The following ZFP1 variants were observed in gnomAD, a reference collection of about 807,000 sequenced individuals.
ZFP1 encodes zinc finger protein 1 homolog.
In ZFP1, 32 loss-of-function variants were observed where a neutral mutation model predicts 38.5. The ratio of observed to expected loss-of-function variants is 0.83; its 90% CI spans 0.63 to 1.12. ZFP1 has a LOEUF of 1.12. Among genes scored for constraint, ZFP1 ranks in the 50% most tolerant of loss-of-function variants. ZFP1 has a pLI of 0.00. For synonymous variants in ZFP1, 245 were observed against 168.8 expected (o/e 1.45, Z -3.50); for missense variants, 616 against 480.8 (o/e 1.28, Z -2.63).
rs879002085 is a variant in ZFP1 at position 75,171,986 on chromosome 16, A to G, written c.*1652A>G. 2.0e-5 allele frequency: 3 copies of G among 152,354 alleles called. No individual in the cohort carries two copies. Among genetic ancestry groups the G allele is most frequent in the South Asian group, 2.1e-4 (1 of 4,830 alleles). The allele number at this position is 152,354 out of a possible 1,614,324, so 9.4% of individuals were successfully genotyped here. A position where few individuals can be genotyped will look rare whatever the true frequency, so the allele number is the denominator to read the frequency against. On this transcript the variant is annotated 3_prime_UTR_variant, in exon 4 of 4. Transcript: ENST00000570010. ...ATAAAAAGCGCCAGCACTTAAGATT[A>G]TATGTTTACTAATGTATATTGTATT...
chr16:75,166,303 G>A (rs1202008522), intron 2 of ZFP1, among the ~76,000 whole-genome samples: 3 of 152,180 alleles, frequency 2.0e-5, no homozygotes, highest in African/African-American at 7.2e-5. Context: ...TGCAGTCTTG[G>A]CTCACTGCAG....
the ZFP1 span, among the ~76,000 whole-genome samples, chr16:75,140,317 C>T: frequency 6.6e-6 from 1 of 151,938 alleles, no homozygotes; most frequent in Non-Finnish European, 1.5e-5. Flanking sequence ...GCTTCTAATC[C>T]CAGCACCTTG....
the ZFP1 span, among the ~76,000 whole-genome samples, chr16:75,119,206 A>C: frequency 1.3e-5 from 2 of 152,214 alleles, no homozygotes; most frequent in African/African-American, 4.8e-5. Flanking sequence ...ATATTTTGGT[A>C]ACCACAGAAG....
At chr16:75,153,388 C>A (rs190358490) in intron 2 of ZFP1, among the ~76,000 whole-genome samples, 1 of 152,046 alleles carries the variant, frequency 6.6e-6, no homozygotes, top group Non-Finnish European at 1.5e-5. Context: ...GTATTTAAAT[C>A]CCTCCACCCC....
chr16:75,119,321 C>T, the ZFP1 span, among the ~76,000 whole-genome samples: 351 of 152,190 alleles, frequency 2.3e-3, 1 homozygote, highest in Non-Finnish European at 3.5e-3. Context: ...TGCTGAGGCC[C>T]GGAAGCACAC....
At chr16:75,160,656 CAAA>C (rs71158584) in intron 2 of ZFP1, among the ~76,000 whole-genome samples, 39 of 101,532 alleles carry the variant, frequency 3.8e-4, no homozygotes, top group Middle Eastern at 4.8e-3. Flanking sequence ...GAGACTGCCT[CAAA>C]AAAAAAAAAA....
chr16:75,138,572 T>C, the ZFP1 span, among the ~76,000 whole-genome samples: 2 of 152,116 alleles, frequency 1.3e-5, no homozygotes, highest in Non-Finnish European at 2.9e-5. Flanking sequence ...TATTTGCAAA[T>C]AGTGATTGCA....
the ZFP1 span, among the ~76,000 whole-genome samples, chr16:75,128,387 A>G: frequency 6.6e-6 from 1 of 152,222 alleles, no homozygotes; most frequent in African/African-American, 2.4e-5. Flanking sequence ...GTAAACATTA[A>G]TTATTTTTGC....
the ZFP1 span, among the ~76,000 whole-genome samples, chr16:75,141,902 T>C: frequency 6.7e-6 from 1 of 148,742 alleles, no homozygotes; most frequent in South Asian, 2.1e-4. Flanking sequence ...AATGCAAAAA[T>C]GAGCTGGGCA....
At chr16:75,154,097 G>A (rs1342456681) in intron 2 of ZFP1, among the ~76,000 whole-genome samples, 4 of 152,156 alleles carry the variant, frequency 2.6e-5, no homozygotes, top group African/African-American at 4.8e-5. Context: ...GGTGGCGGGC[G>A]CCTGTAGTCC....
At chr16:75,153,545 A>T (rs2037314241) in intron 2 of ZFP1, among the ~76,000 whole-genome samples, 1 of 151,926 alleles carries the variant, frequency 6.6e-6, no homozygotes, top group Non-Finnish European at 1.5e-5. Flanking sequence ...AATAGATTTC[A>T]TTTTTTTTAG....
chr16:75,123,421 A>G, the ZFP1 span, among the ~76,000 whole-genome samples: 1 of 133,626 alleles, frequency 7.5e-6, no homozygotes, highest in Non-Finnish European at 1.6e-5. Flanking sequence ...ACAAATATAT[A>G]TATAAGAATG....
chr16:75,149,693 G>C (rs534099720), intron 1 of ZFP1, among the ~76,000 whole-genome samples: 104 of 151,598 alleles, frequency 6.9e-4, no homozygotes, highest in Non-Finnish European at 9.6e-4. Context: ...CGAGTAGCTG[G>C]GATTACAGGC....
intron 2 of ZFP1, among the ~76,000 whole-genome samples, chr16:75,159,550 G>A (rs1334904035): frequency 1.3e-5 from 2 of 150,968 alleles, no homozygotes; most frequent in African/African-American, 4.9e-5. Context: ...TGGGTCCACA[G>A]ACATGTGCCA....
At chr16:75,133,877 C>A in the ZFP1 span, among the ~76,000 whole-genome samples, 1,022 of 152,112 alleles carry the variant, frequency 6.7e-3, 9 homozygotes, top group African/African-American at 0.024. Context: ...GGTGAAACCC[C>A]GTCTGTAATA....
chr16:75,169,175 C>A, intron 3 of ZFP1, 78 bp from the exon 4 acceptor site: 1 of 1,496,986 alleles, frequency 6.7e-7, no homozygotes, highest in South Asian at 1.4e-5. Flanking sequence ...TGATAGAACA[C>A]GTGTGAAGAC....
intron 1 of ZFP1, among the ~76,000 whole-genome samples, chr16:75,151,498 T>C (rs914821460): frequency 1.1e-4 from 16 of 152,198 alleles, no homozygotes; most frequent in African/African-American, 3.6e-4. Context: ...TGTCTTATTG[T>C]ATATTTGTAA....
At chr16:75,131,070 C>T in the ZFP1 span, among the ~76,000 whole-genome samples, 2 of 152,096 alleles carry the variant, frequency 1.3e-5, no homozygotes, top group Non-Finnish European at 2.9e-5. Context: ...CCTTTCTGTC[C>T]CTGTGGGCCT....
chr16:75,126,628 C>T, the ZFP1 span, among the ~76,000 whole-genome samples: 1 of 152,180 alleles, frequency 6.6e-6, no homozygotes, highest in Non-Finnish European at 1.5e-5. Context: ...GTCTCAAAAT[C>T]CTGACCTCAG....
Sources: allele counts gnomAD v4.1 joint callset (sites outside exome capture counted in the v4.1 genomes callset), GRCh38; gene constraint gnomAD v4.1.1; transcripts MANE v1.5; gene names NCBI Gene and HGNC (gene_info 2026-07-23, HGNC 2026-07-21).